Variants in OTOGL observed in about 807,000 individuals in gnomAD.
OTOGL encodes the protein otogelin-like protein.
A neutral mutation model predicts 318.5 loss-of-function variants in OTOGL; 285 were observed. The ratio of observed to expected loss-of-function variants is 0.89; its 90% CI spans 0.81 to 0.99. The LOEUF (loss-of-function observed/expected upper bound fraction) is 0.99. Ranked by LOEUF, OTOGL falls within the 50% of genes least tolerant of loss-of-function variation. The probability of loss-of-function intolerance (pLI) is 0.00; values close to 1 mark genes in which losing one functional copy is unlikely to be tolerated. For missense variants in OTOGL, 2,899 were observed against 2,845.6 expected (o/e 1.02, Z -0.43); for synonymous variants, 987 against 936.5 (o/e 1.05, Z -0.99).
chr12:80,156,118 T>C (rs1202242302), intron 1 of OTOGL, among the ~76,000 whole-genome samples: 1 of 152,172 alleles, frequency 6.6e-6, no homozygotes, highest in Non-Finnish European at 1.5e-5. Context: ...AACATTTGAG[T>C]CCGTGGACTG....
In OTOGL at chr12:80,116,034, C is replaced by T. The variant is rs139528799; in HGVS notation, c.-20+16429C>T. Among the ~76,000 whole-genome samples the T allele has an allele frequency of 7.4e-3, 1,121 of 152,290 alleles. 15 individuals are homozygous for T. Among genetic ancestry groups the T allele is most frequent in the African/African-American group, 0.026 (1,069 of 41,554 alleles). On this transcript the variant is annotated intron_variant, in intron 1 of 58. Coordinates refer to ENST00000547103, the MANE Select transcript of OTOGL (RefSeq NM_001378609.3). ...AGAAGACCACTTGGTTCCCTGGCTT[C>T]TGCCCCCTTTCCAGGGGAGTGAATG...
rs529798203 is a variant in OTOGL at position 80,205,514 on chromosome 12, A to C, written c.-19-3899A>C. Among the ~76,000 whole-genome samples, 4 of 152,328 alleles carry C rather than the reference A, an allele frequency of 2.6e-5. No individual in the cohort carries two copies. The South Asian group carries it at 8.3e-4, about 32-fold the overall frequency. ...AGATGCTACTTCTAAAATTATATGAAACATCCCAGAAACTGCCAAGCAACA... is the reference window on the plus strand; with the variant it reads ...AGATGCTACTTCTAAAATTATATGACACATCCCAGAAACTGCCAAGCAACA... On this transcript the variant is annotated intron_variant, in intron 1 of 58. Coordinates refer to ENST00000547103, the MANE Select transcript of OTOGL (RefSeq NM_001378609.3).
chr12:80,367,516 A>G (rs1313934103), intron 53 of OTOGL, 45 bp from the exon 54 acceptor site: 3 of 1,380,312 alleles, frequency 2.2e-6, no homozygotes, highest in African/African-American at 3.0e-5. Flanking sequence ...ATTAGTACAA[A>G]ACTCAACAGT....
intron 1 of OTOGL, among the ~76,000 whole-genome samples, chr12:80,149,311 C>T (rs1012221626): frequency 3.4e-5 from 5 of 148,158 alleles, no homozygotes; most frequent in Non-Finnish European, 7.5e-5. Flanking sequence ...GAGTACCCTG[C>T]GGTGTGAGGT....
intron 24 of OTOGL, 110 bp downstream of exon 24, chr12:80,271,920 T>A: frequency 7.9e-7 from 1 of 1,267,340 alleles, no homozygotes; most frequent in Non-Finnish European, 1.1e-6. Context: ...GACTAGTGGT[T>A]AACTGGGTTG....
chr12:80,225,355 G>T (rs1368924642), intron 7 of OTOGL, among the ~76,000 whole-genome samples: 1 of 151,690 alleles, frequency 6.6e-6, no homozygotes, highest in Admixed American at 6.6e-5. Context: ...CCTGTCCTTT[G>T]TTAGTAACAC....
At position 80,209,513 on chromosome 12, in the gene OTOGL, A is replaced by T. The variant is rs1375703316; in HGVS notation, c.79+3A>T. 6.9e-7 allele frequency: 1 copy of T among 1,448,902 alleles called. No homozygotes were observed. The highest frequency in any genetic ancestry group is 2.0e-5 in the Admixed American group (1 of 49,076). 89.8% of individuals were successfully genotyped at this position (1,448,902 alleles called of 1,614,324 possible). On this transcript the variant is annotated splice_donor_region_variant and intron_variant, in intron 2 of 58. Transcript: ENST00000547103. Reference sequence around the variant, plus strand: ...TGTACTGCTGTTTTCATTACAAGGTAAGAACTCAGATTAAATTTTTATGTT... The same window carrying T: ...TGTACTGCTGTTTTCATTACAAGGTTAGAACTCAGATTAAATTTTTATGTT...
chr12:80,122,361 A>G (rs150274219), intron 1 of OTOGL, among the ~76,000 whole-genome samples: 99 of 152,328 alleles, frequency 6.5e-4, no homozygotes, highest in African/African-American at 2.3e-3. Flanking sequence ...AATGAAAGAC[A>G]AAAATAATTG....
chr12:80,279,968 T>C (rs1441386848), intron 26 of OTOGL, among the ~76,000 whole-genome samples: 4 of 151,908 alleles, frequency 2.6e-5, no homozygotes, highest in South Asian at 4.1e-4. Flanking sequence ...ATCTGTTTTT[T>C]TTTGACTTTT....
intron 4 of OTOGL, among the ~76,000 whole-genome samples, chr12:80,212,798 T>G (rs1419711876): frequency 6.6e-6 from 1 of 152,202 alleles, no homozygotes. Context: ...AATTTGTGTA[T>G]TTTATAGTGT....
At chr12:80,118,221 G>A (rs1449689679) in intron 1 of OTOGL, among the ~76,000 whole-genome samples, 1 of 152,152 alleles carries the variant, frequency 6.6e-6, no homozygotes, top group Non-Finnish European at 1.5e-5. Context: ...GGAAATTGGA[G>A]GAAATTATGC....
chr12:80,372,248 C>T (rs1322824103), intron 57 of OTOGL, among the ~76,000 whole-genome samples, 184 bp downstream of exon 57: 1 of 151,934 alleles, frequency 6.6e-6, no homozygotes. Flanking sequence ...TAGTCTTTAA[C>T]TTAAAGGTTT....
At position 80,212,096 on chromosome 12, in the gene OTOGL, A is replaced by G. The variant is rs897149086; in HGVS notation, c.168+99A>G. On this transcript the variant is annotated intron_variant, in intron 4 of 58. Coordinates refer to ENST00000547103, the MANE Select transcript of OTOGL (RefSeq NM_001378609.3). ...CAATGAGACCTTTGTGGAGGGGAAT[A>G]AAATGCTAAGAACAAGACAGGAAGG... The G allele has an allele frequency of 2.5e-6, 3 of 1,223,204 alleles. No individual in the cohort carries two copies. In the Admixed American group the frequency reaches 6.5e-5, roughly 27 times the overall value. The allele number at this position is 1,223,204 out of a possible 1,614,324, so 75.8% of individuals were successfully genotyped here.
chr12:80,215,283 T>C (rs574448129), intron 4 of OTOGL, among the ~76,000 whole-genome samples: 5 of 151,616 alleles, frequency 3.3e-5, no homozygotes, highest in Non-Finnish European at 7.4e-5. Flanking sequence ...TCTCCTGCCT[T>C]AGCCTCCTGA....
intron 1 of OTOGL, among the ~76,000 whole-genome samples, chr12:80,125,779 G>A (rs1348663545): frequency 6.6e-6 from 1 of 152,172 alleles, no homozygotes; most frequent in Non-Finnish European, 1.5e-5. Context: ...GGGTGTATGT[G>A]TTGAGGAATT....
intron 43 of OTOGL, among the ~76,000 whole-genome samples, chr12:80,340,548 T>C (rs1015858698): frequency 1.3e-5 from 2 of 152,224 alleles, no homozygotes; most frequent in African/African-American, 4.8e-5. Context: ...CTTGCTTTCA[T>C]GTAGACAGCC....
intron 27 of OTOGL, among the ~76,000 whole-genome samples, chr12:80,300,939 A>G (rs1008305319): frequency 6.6e-6 from 1 of 152,216 alleles, no homozygotes; most frequent in Non-Finnish European, 1.5e-5. Context: ...TTAACAACAC[A>G]TATGGTTATA....
In OTOGL at chr12:80,108,957, C is replaced by T. The variant is rs906972576; in HGVS notation, c.-20+9352C>T. 3.1e-3 allele frequency among the ~76,000 whole-genome samples: 275 copies of T among 89,346 alleles called. 3 individuals carry two copies. Among genetic ancestry groups the T allele is most frequent in the South Asian group, 0.022 (70 of 3,160 alleles). The allele number at this position is 89,346 out of a possible 152,430, so 58.6% of individuals were successfully genotyped here. On this transcript the variant is annotated intron_variant, in intron 1 of 58. Coordinates refer to ENST00000547103, the MANE Select transcript of OTOGL (RefSeq NM_001378609.3). ...GTGTGTATATATATATATATATACA[C>T]ACACACATATATAATTTACGGTTAT... is the stretch of plus-strand genomic sequence containing the variant.
At chr12:80,263,026 T>C (rs1882673888) in intron 19 of OTOGL, among the ~76,000 whole-genome samples, 1 of 152,182 alleles carries the variant, frequency 6.6e-6, no homozygotes, top group African/African-American at 2.4e-5. Flanking sequence ...ATTATTAACA[T>C]AGGATTCTGG....
Sources: allele counts gnomAD v4.1 joint callset (sites outside exome capture counted in the v4.1 genomes callset), GRCh38; gene constraint gnomAD v4.1.1; transcripts MANE v1.5; gene names NCBI Gene and HGNC (gene_info 2026-07-23, HGNC 2026-07-21).